Variants in ERCC6L2 observed in about 807,000 individuals in gnomAD.
ERCC6L2 encodes ERCC excision repair 6 like 2, also known as DNA excision repair protein ERCC-6-like 2.
In ERCC6L2, 77 loss-of-function variants were observed where a neutral mutation model predicts 132.0. The ratio of observed to expected loss-of-function variants is 0.58; its 90% confidence interval spans 0.49 to 0.71. ERCC6L2 has a LOEUF of 0.71. ERCC6L2 is among the 30% of genes least tolerant of loss of function. The probability of loss-of-function intolerance (pLI) is 0.00; values close to 1 mark genes in which losing one functional copy is unlikely to be tolerated. For missense variants in ERCC6L2, 1,542 were observed against 1,837.6 expected, an observed-to-expected ratio of 0.84 and a Z score of 2.94; for synonymous variants, 583 against 632.4, an observed-to-expected ratio of 0.92 and a Z score of 1.17.
chr9:95,925,526 A>C (rs1328544175), intron 9 of ERCC6L2, among the ~76,000 whole-genome samples: 1 of 152,180 alleles, frequency 6.6e-6, no homozygotes, highest in East Asian at 1.9e-4. Flanking sequence ...CATTGGGTCT[A>C]TATTGTTAAG....
chr9:96,008,422 G>C (rs1279975803), intron 18 of ERCC6L2, among the ~76,000 whole-genome samples: 1 of 152,134 alleles, frequency 6.6e-6, no homozygotes, highest in Non-Finnish European at 1.5e-5. Context: ...GAATTATCTA[G>C]CTTTCTTTTC....
Position 95,877,021 on chromosome 9 carries a change from G to A in ERCC6L2, c.46+937G>A, listed in dbSNP as rs185633560. ...GGTGGAAGGAGCAGAAAGCTCCAGG[G>A]CCCCGAGGTGGGAACACCCTTGAGG... On this transcript the variant is annotated intron_variant, in intron 1 of 18. Transcript: ENST00000653738. The A allele has an allele frequency of 1.3e-5, 2 of 152,322 alleles. 1 individual carries two copies. Among genetic ancestry groups the A allele is most frequent in the Admixed American group, 1.3e-4 (2 of 15,298 alleles). The allele number at this position is 152,322 out of a possible 1,614,324, so 9.4% of individuals were successfully genotyped here. A position where few individuals can be genotyped will look rare whatever the true frequency, so the allele number is the denominator to read the frequency against.
At chr9:95,998,769 A>C (rs1443841768) in intron 17 of ERCC6L2, among the ~76,000 whole-genome samples, 2 of 152,328 alleles carry the variant, frequency 1.3e-5, no homozygotes, top group East Asian at 3.9e-4. Context: ...GAAGTATAAG[A>C]TAATGAATTT....
chr9:95,956,375 G>A (rs1831601201), intron 13 of ERCC6L2, among the ~76,000 whole-genome samples: 1 of 152,058 alleles, frequency 6.6e-6, no homozygotes, highest in Non-Finnish European at 1.5e-5. Flanking sequence ...GAGTAGCAAG[G>A]TCACAGCTCC....
intron 1 of ERCC6L2, among the ~76,000 whole-genome samples, chr9:95,877,628 G>A (rs1177480456): frequency 6.6e-6 from 1 of 151,892 alleles, no homozygotes; most frequent in African/African-American, 2.4e-5. Context: ...CAACATAAGC[G>A]AGACCCTGTC....
intron 11 of ERCC6L2, among the ~76,000 whole-genome samples, chr9:95,939,234 A>G (rs1344644151): frequency 1.3e-5 from 2 of 149,932 alleles, no homozygotes; most frequent in Non-Finnish European, 3.0e-5. Context: ...ATTTTAACCT[A>G]TTCTGATCTT....
At chr9:95,938,862 C>G in intron 11 of ERCC6L2, among the ~76,000 whole-genome samples, 1 of 151,900 alleles carries the variant, frequency 6.6e-6, no homozygotes, top group Middle Eastern at 3.2e-3. Flanking sequence ...TTTTTATCTC[C>G]TATTTCTAGT....
intron 12 of ERCC6L2, among the ~76,000 whole-genome samples, chr9:95,953,721 T>C (rs964209557): frequency 1.3e-5 from 2 of 151,564 alleles, no homozygotes; most frequent in African/African-American, 2.4e-5. Context: ...GTAAAGAAAA[T>C]AGAATTATAC....
rs369712151 is a variant in ERCC6L2 at position 95,971,449 on chromosome 9, T to A, written c.2182-484T>A. ...CTTCAAAATTCTTTATTTCTGGTGA[T>A]CAAGATCCTATCGGCCTTTTTAATC... is the stretch of plus-strand genomic sequence containing the variant. On this transcript the variant is annotated intron_variant, in intron 15 of 18. Transcript: ENST00000653738. The A allele has an allele frequency of 1.1e-4, 16 of 152,348 alleles. No individual in the cohort carries two copies. In the East Asian group the frequency reaches 2.1e-3, roughly 20 times the overall value. 9.4% of individuals were successfully genotyped at this position (152,348 alleles called of 1,614,324 possible).
rs781435654 is a variant in ERCC6L2, at chr9:96,012,637, T to C, written c.4087T>C (p.Ser1363Pro). 7.3e-7 allele frequency: 1 copy of C among 1,367,642 alleles called. No individual in the cohort carries two copies. The highest frequency in any genetic ancestry group is 1.1e-5 in the South Asian group (1 of 88,040). 84.7% of individuals were successfully genotyped at this position (1,367,642 alleles called of 1,614,324 possible). The change falls in exon 19 of 19, where the codon TCT (serine) becomes CCT (proline). Residue 1363 changes from serine (S) to proline (P), a missense_variant. By Grantham distance (74) the Ser-to-Pro change is moderately conservative (BLOSUM62 -1). Around this residue, in one of 4 missense-constraint regions of ERCC6L2, gnomAD observed 442 missense variants for 583.4 expected, o/e 0.76. Coordinates refer to ENST00000653738, the MANE Select transcript of ERCC6L2 (RefSeq NM_020207.7). ...AGAAACTAAGAAATCACCTGTTAGT[T>C]CTACTCAAGAGATTGACAGTGGGAA... ...DAETKKSPVS[S>P]TQEIDSGKNS...
intron 17 of ERCC6L2, among the ~76,000 whole-genome samples, chr9:95,982,604 G>C (rs1832935986): frequency 6.6e-6 from 1 of 151,894 alleles, no homozygotes; most frequent in Non-Finnish European, 1.5e-5. Flanking sequence ...GATATTTCAT[G>C]GTCTTATCAT....
chr9:96,036,004 A>C (rs981250817), intron 19 of ERCC6L2, among the ~76,000 whole-genome samples: 3 of 152,232 alleles, frequency 2.0e-5, no homozygotes, highest in Non-Finnish European at 4.4e-5. Context: ...ACAATTTTAA[A>C]AGACATACAA....
intron 17 of ERCC6L2, among the ~76,000 whole-genome samples, chr9:95,992,432 A>G (rs1833334970): frequency 6.6e-6 from 1 of 152,226 alleles, no homozygotes; most frequent in Non-Finnish European, 1.5e-5. Context: ...CTAGCAGGAT[A>G]TGCTTCCATT....
At chr9:95,977,086 T>C (rs990755572) in intron 16 of ERCC6L2, among the ~76,000 whole-genome samples, 5 of 150,386 alleles carry the variant, frequency 3.3e-5, no homozygotes, top group African/African-American at 7.3e-5. Context: ...GTTTGTTTGT[T>C]TTTACTGTGT....
intron 19 of ERCC6L2, among the ~76,000 whole-genome samples, chr9:96,037,197 G>A (rs1309491770): frequency 6.6e-6 from 1 of 152,210 alleles, no homozygotes; most frequent in Non-Finnish European, 1.5e-5. Flanking sequence ...TCTGGAGCTG[G>A]CCAGCCCTTA....
rs1444726029 is a variant in ERCC6L2, at chr9:95,973,164, T to A, written c.3337+76T>A. 2.9e-6 allele frequency: 3 copies of A among 1,019,590 alleles called. No individual in the cohort carries two copies. The East Asian group carries it at 1.8e-4, about 61-fold the overall frequency. 63.2% of individuals were successfully genotyped at this position (1,019,590 alleles called of 1,614,324 possible). ...AATAGTTCTGTGAGACGCTTTGAAT[T>A]AACTTGTAAAACAGCCCTAAAATCA... On this transcript the variant is annotated intron_variant, in intron 16 of 18. Transcript: ENST00000653738.
chr9:95,921,184 T>C lies in ERCC6L2; in HGVS notation c.1168T>C (p.Cys390Arg), dbSNP rs750116560. 1 of 1,610,370 alleles carries C rather than the reference T, an allele frequency of 6.2e-7. No individual in the cohort carries two copies. Among genetic ancestry groups the C allele is most frequent in the Admixed American group, 1.7e-5 (1 of 59,272 alleles). ...LPKKEDRMVY[C>R]SLTDFQKAVY... ...TATTTTATCTTGGCAGATGGTGTAT[T>C]GTTCTTTGACAGATTTCCAGAAAGC... The change falls in exon 7 of 19, where the codon TGT (cysteine) becomes CGT (arginine). Residue 390 changes from cysteine to arginine, a missense_variant. Coordinates refer to ENST00000653738, the MANE Select transcript of ERCC6L2 (RefSeq NM_020207.7).
chr9:95,965,133 T>G (rs896585683), intron 13 of ERCC6L2, among the ~76,000 whole-genome samples: 2 of 152,154 alleles, frequency 1.3e-5, no homozygotes, highest in Non-Finnish European at 2.9e-5. Context: ...ATAACTTCTT[T>G]AAATGAAGGT....
chr9:95,893,764 C>A (rs1828292123), intron 2 of ERCC6L2, among the ~76,000 whole-genome samples: 1 of 152,024 alleles, frequency 6.6e-6, no homozygotes, highest in Admixed American at 6.6e-5. Context: ...TGCCTTTTCT[C>A]TATTTTTTCT....
Sources: allele counts gnomAD v4.1 joint callset (sites outside exome capture counted in the v4.1 genomes callset), GRCh38; gene constraint gnomAD v4.1.1; regional missense constraint gnomAD v4.1.1; transcripts MANE v1.5; gene names NCBI Gene and HGNC (gene_info 2026-07-23, HGNC 2026-07-21).